TNFSF4: variants seen among roughly 807,000 people sequenced by gnomAD.
TNFSF4 encodes the protein tumor necrosis factor ligand superfamily member 4.
In TNFSF4, 4 loss-of-function variants were observed where a neutral mutation model predicts 7.3. That is an observed-to-expected ratio of 0.55 (90% CI 0.27 to 1.25). TNFSF4 has a LOEUF of 1.25. Among genes scored for constraint, TNFSF4 ranks in the 50% most tolerant of loss-of-function variants. The pLI, the probability that TNFSF4 is intolerant of heterozygous loss-of-function variation, is 0.12. For synonymous variants in TNFSF4, 76 were observed against 83.7 expected (o/e 0.91, Z 0.50); for missense variants, 181 against 208.8 (o/e 0.87, Z 0.82).
the TNFSF4 span, among the ~76,000 whole-genome samples, chr1:173,293,190 C>T: frequency 2.0e-5 from 3 of 152,028 alleles, no homozygotes; most frequent in Non-Finnish European, 4.4e-5. Context: ...CAGCCAAAGA[C>T]ATCATACTAC....
the TNFSF4 span, among the ~76,000 whole-genome samples, chr1:173,443,493 T>C: frequency 9.6e-3 from 1,458 of 152,254 alleles, 23 homozygotes; most frequent in African/African-American, 0.034. Context: ...TTTCAAGATA[T>C]ATTATTAAGG....
chr1:173,247,850 C>T, the TNFSF4 span, among the ~76,000 whole-genome samples: 1 of 152,128 alleles, frequency 6.6e-6, no homozygotes. Context: ...TGGTCTCTGC[C>T]ATCTCTGAGT....
the TNFSF4 span, among the ~76,000 whole-genome samples, chr1:173,177,932 TTGAA>T: frequency 6.6e-6 from 1 of 152,234 alleles, no homozygotes; most frequent in Non-Finnish European, 1.5e-5. Context: ...GAGCTGAGCC[TTGAA>T]TGATGGTTAC....
the TNFSF4 span, among the ~76,000 whole-genome samples, chr1:173,271,856 C>T: frequency 0.085 from 12,852 of 152,062 alleles, 629 homozygotes; most frequent in Middle Eastern, 0.12. Flanking sequence ...GGGTATATAC[C>T]CAAAGGATTA....
At chr1:173,240,252 T>C in the TNFSF4 span, among the ~76,000 whole-genome samples, 3 of 152,216 alleles carry the variant, frequency 2.0e-5, no homozygotes, top group Non-Finnish European at 4.4e-5. Context: ...TCAGTCAAGG[T>C]AGGGCCTCTT....
chr1:173,274,965 C>T, the TNFSF4 span, among the ~76,000 whole-genome samples: 1 of 152,054 alleles, frequency 6.6e-6, no homozygotes, highest in African/African-American at 2.4e-5. Flanking sequence ...ACATGCAGTA[C>T]TTTGCTTTGA....
the TNFSF4 span, among the ~76,000 whole-genome samples, chr1:173,378,614 A>G: frequency 3.9e-5 from 6 of 152,280 alleles, no homozygotes; most frequent in Non-Finnish European, 8.8e-5. Flanking sequence ...ATAAATTACA[A>G]TACTATCCTG....
chr1:173,299,580 G>T, the TNFSF4 span, among the ~76,000 whole-genome samples: 2 of 151,964 alleles, frequency 1.3e-5, no homozygotes, highest in East Asian at 3.9e-4. Flanking sequence ...CTACTAAATT[G>T]CATTGTGTTT....
chr1:173,323,838 G>C, the TNFSF4 span, among the ~76,000 whole-genome samples: 4 of 152,170 alleles, frequency 2.6e-5, no homozygotes, highest in African/African-American at 7.2e-5. Flanking sequence ...AATGAACAAA[G>C]CCTGCAAGAA....
the TNFSF4 span, among the ~76,000 whole-genome samples, chr1:173,327,532 AC>A: frequency 1.3e-5 from 2 of 151,566 alleles, no homozygotes; most frequent in African/African-American, 4.8e-5. Flanking sequence ...GAGCTTCTGC[AC>A]AGCAAAAGAA....
chr1:173,307,090 G>A, the TNFSF4 span, among the ~76,000 whole-genome samples: 1 of 151,760 alleles, frequency 6.6e-6, no homozygotes, highest in African/African-American at 2.4e-5. Context: ...AAAACTGTCA[G>A]ATAAATATAT....
the TNFSF4 span, among the ~76,000 whole-genome samples, chr1:173,329,067 A>G: frequency 7.9e-5 from 12 of 152,354 alleles, no homozygotes; most frequent in South Asian, 2.5e-3. Context: ...TATAGAAAGT[A>G]TAGGGTATCT....
the TNFSF4 span, among the ~76,000 whole-genome samples, chr1:173,337,530 G>C: frequency 2.0e-5 from 3 of 152,142 alleles, no homozygotes; most frequent in Non-Finnish European, 2.9e-5. Context: ...AGTTGACAGA[G>C]GAAAAGAAAA....
chr1:173,340,147 T>C, the TNFSF4 span, among the ~76,000 whole-genome samples: 2 of 152,150 alleles, frequency 1.3e-5, no homozygotes, highest in East Asian at 3.8e-4. Context: ...CATCAGTTTT[T>C]TCCTGTCTTT....
the TNFSF4 span, among the ~76,000 whole-genome samples, chr1:173,416,638 T>TATTTATTTTTTGAGA: frequency 0.021 from 2,355 of 110,048 alleles, 91 homozygotes; most frequent in African/African-American, 0.062. Flanking sequence ...ATTTATTTTT[T>TATTTATTTTTTGAGA]GAGAGAGAGA....
At chr1:173,421,137 T>C in the TNFSF4 span, among the ~76,000 whole-genome samples, 13 of 152,258 alleles carry the variant, frequency 8.5e-5, no homozygotes, top group African/African-American at 2.2e-4. Context: ...AGAAAAAATA[T>C]AGGCCGCACA....
chr1:173,187,562 G>C (rs534264999), intron 2 of TNFSF4, among the ~76,000 whole-genome samples: 20 of 152,318 alleles, frequency 1.3e-4, no homozygotes, highest in African/African-American at 4.6e-4. Context: ...TGTGGATTCA[G>C]GGTGGGCTCT....
the TNFSF4 span, among the ~76,000 whole-genome samples, chr1:173,324,186 G>C: frequency 6.6e-6 from 1 of 152,194 alleles, no homozygotes; most frequent in Non-Finnish European, 1.5e-5. Flanking sequence ...CTACAAGCCA[G>C]AAGGGGCGGG....
the TNFSF4 span, among the ~76,000 whole-genome samples, chr1:173,236,423 A>T: frequency 6.6e-6 from 1 of 151,924 alleles, no homozygotes; most frequent in Non-Finnish European, 1.5e-5. Context: ...TTTCAAAAAA[A>T]AAAAAAAAAC....
Sources: gnomAD v4.1 joint callset for allele counts (sites outside exome capture counted in the v4.1 genomes callset) on GRCh38, gnomAD v4.1.1 for gene constraint, MANE v1.5 for transcripts, NCBI Gene and HGNC (gene_info 2026-07-23, HGNC 2026-07-21) for gene names.